Variants in FMNL2 observed in about 807,000 individuals in gnomAD.
FMNL2 encodes the protein formin-like protein 2.
In FMNL2, 51 loss-of-function variants were observed where a neutral mutation model predicts 130.2. That is an observed-to-expected ratio of 0.39 (90% CI 0.31 to 0.49). The LOEUF is 0.49. Ranked by LOEUF, FMNL2 falls within the 20% of genes least tolerant of loss-of-function variation. The probability of loss-of-function intolerance (pLI) is 0.85; values close to 1 mark genes in which losing one functional copy is unlikely to be tolerated. For missense variants in FMNL2, 977 were observed against 1,316.2 expected (o/e 0.74, Z 3.99); for synonymous variants, 465 against 467.1 (o/e 1.00, Z 0.06).
At chr2:152,624,719 T>C (rs1367305491) in intron 15 of FMNL2, among the ~76,000 whole-genome samples, 1 of 152,136 alleles carries the variant, frequency 6.6e-6, no homozygotes, top group Non-Finnish European at 1.5e-5. Context: ...ACAGCTGTGG[T>C]TCCAGCTACT....
chr2:152,591,335 A>G (rs1697429675), intron 9 of FMNL2, among the ~76,000 whole-genome samples: 1 of 152,068 alleles, frequency 6.6e-6, no homozygotes, highest in Admixed American at 6.5e-5. Context: ...TTATATGGCT[A>G]GATTTGTCTT....
At chr2:152,337,580 T>A (rs1477730446) in intron 1 of FMNL2, among the ~76,000 whole-genome samples, 1 of 152,134 alleles carries the variant, frequency 6.6e-6, no homozygotes, top group Admixed American at 6.5e-5. Flanking sequence ...ATGGTGTGAA[T>A]TAATCTTTAG....
intron 1 of FMNL2, among the ~76,000 whole-genome samples, chr2:152,479,173 G>A (rs995607689): frequency 6.6e-6 from 1 of 151,908 alleles, no homozygotes; most frequent in Non-Finnish European, 1.5e-5. Context: ...GCCCAGGCTC[G>A]AGTTCACTGA....
intron 6 of FMNL2, 117 bp from the exon 7 acceptor site, chr2:152,575,019 G>A (rs919472622): frequency 2.8e-5 from 16 of 569,704 alleles, no homozygotes; most frequent in East Asian, 8.5e-5. Flanking sequence ...ATTTGGTGGC[G>A]GTTTTAACCT....
chr2:152,439,810 G>T (rs1302523528), intron 1 of FMNL2, among the ~76,000 whole-genome samples: 2 of 147,966 alleles, frequency 1.4e-5, no homozygotes, highest in Non-Finnish European at 3.0e-5. Context: ...CTAGTATGCC[G>T]TGTCTGTGGT....
chr2:152,552,943 A>G (rs901521916), intron 4 of FMNL2, among the ~76,000 whole-genome samples: 9 of 152,206 alleles, frequency 5.9e-5, no homozygotes, highest in African/African-American at 2.2e-4. Context: ...ATGATAGAAA[A>G]TTACTTTTCA....
rs550166059 is a variant in FMNL2, at chr2:152,466,264, C to A, written c.118-55679C>A. On this transcript the variant is annotated intron_variant, in intron 1 of 25. Coordinates refer to ENST00000288670, the MANE Select transcript of FMNL2 (RefSeq NM_052905.4). ...CCTGCCCGCTGCGGGGGAGGACATG[C>A]CCCTGATGGGTCTGGGCTGCACTGG... is the stretch of plus-strand genomic sequence containing the variant. Among the ~76,000 whole-genome samples, 4 of 152,318 alleles carry A rather than the reference C, an allele frequency of 2.6e-5. No homozygotes were observed. The South Asian group carries it at 6.2e-4, about 24-fold the overall frequency.
intron 9 of FMNL2, among the ~76,000 whole-genome samples, chr2:152,605,176 A>G (rs1026972911): frequency 4.6e-5 from 7 of 152,096 alleles, no homozygotes; most frequent in African/African-American, 1.4e-4. Flanking sequence ...GTTGTCAGCC[A>G]TTGTGGAGCA....
intron 1 of FMNL2, among the ~76,000 whole-genome samples, chr2:152,377,303 C>G (rs1230555938): frequency 1.3e-5 from 2 of 152,242 alleles, no homozygotes; most frequent in African/African-American, 4.8e-5. Flanking sequence ...TTGGACAAGA[C>G]TTCCCTTTCC....
At chr2:152,462,087 G>A (rs1056858713) in intron 1 of FMNL2, among the ~76,000 whole-genome samples, 1 of 152,030 alleles carries the variant, frequency 6.6e-6, no homozygotes, top group Non-Finnish European at 1.5e-5. Flanking sequence ...GTAGAGATAG[G>A]ATTTTGCTTA....
At chr2:152,615,872 G>A (rs1698919557) in intron 12 of FMNL2, among the ~76,000 whole-genome samples, 1 of 152,154 alleles carries the variant, frequency 6.6e-6, no homozygotes, top group Admixed American at 6.5e-5. Flanking sequence ...CATATGCTCA[G>A]TTTCCTTCAC....
At chr2:152,539,597 A>G (rs899046681) in intron 2 of FMNL2, among the ~76,000 whole-genome samples, 6 of 152,262 alleles carry the variant, frequency 3.9e-5, no homozygotes, top group African/African-American at 1.4e-4. Context: ...ACAAATGAAG[A>G]ATATGTGGAA....
intron 20 of FMNL2, among the ~76,000 whole-genome samples, chr2:152,631,729 G>C (rs1186323927): frequency 6.6e-6 from 1 of 152,204 alleles, no homozygotes; most frequent in Non-Finnish European, 1.5e-5. Flanking sequence ...GGGTAAATAG[G>C]AACTACTGTA....
chr2:152,640,648 C>G, intron 24 of FMNL2, 143 bp from the exon 25 acceptor site: 1 of 1,051,056 alleles, frequency 9.5e-7, no homozygotes, highest in Non-Finnish European at 1.3e-6. Flanking sequence ...CTTGAGTTCT[C>G]TGCAACTGAG....
intron 17 of FMNL2, 34 bp downstream of exon 17, chr2:152,626,761 A>G: frequency 6.5e-7 from 1 of 1,541,160 alleles, no homozygotes. Context: ...TAGTTAGTTT[A>G]TGATAAAATG....
intron 15 of FMNL2, among the ~76,000 whole-genome samples, chr2:152,623,999 C>T (rs899827859): frequency 2.8e-5 from 4 of 142,448 alleles, no homozygotes; most frequent in Non-Finnish European, 4.5e-5. Flanking sequence ...GGGCAAGGGA[C>T]TGTGGCTATT....
intron 1 of FMNL2, among the ~76,000 whole-genome samples, chr2:152,454,411 C>G (rs1015757830): frequency 1.3e-5 from 2 of 152,022 alleles, no homozygotes; most frequent in Non-Finnish European, 2.9e-5. Context: ...TGTAGACTTC[C>G]CACTAGATCT....
At chr2:152,613,581 A>G (rs953691720) in intron 11 of FMNL2, among the ~76,000 whole-genome samples, 4 of 152,220 alleles carry the variant, frequency 2.6e-5, no homozygotes, top group African/African-American at 9.6e-5. Flanking sequence ...CTGAAAATTT[A>G]TGTAGAGTGG....
At chr2:152,515,644 A>G (rs948845517) in intron 1 of FMNL2, among the ~76,000 whole-genome samples, 5 of 152,164 alleles carry the variant, frequency 3.3e-5, no homozygotes, top group African/African-American at 1.2e-4. Flanking sequence ...ACAGACCTCT[A>G]TTCTGAGTCC....
Sources: allele counts gnomAD v4.1 joint callset (sites outside exome capture counted in the v4.1 genomes callset), GRCh38; gene constraint gnomAD v4.1.1; transcripts MANE v1.5; gene names NCBI Gene and HGNC (gene_info 2026-07-23, HGNC 2026-07-21).